HERPUD1: variants seen among roughly 807,000 people sequenced by gnomAD.
HERPUD1 encodes homocysteine inducible ER protein with ubiquitin like domain 1.
A neutral mutation model predicts 45.0 loss-of-function variants in HERPUD1; 17 were observed. That is an observed-to-expected ratio of 0.38 (90% CI 0.26 to 0.57). HERPUD1 has a LOEUF of 0.57. Ranked by LOEUF, HERPUD1 falls within the 20% of genes least tolerant of loss-of-function variation. HERPUD1 has a pLI of 0.72. For missense variants in HERPUD1, 420 were observed against 490.5 expected (o/e 0.86, Z 1.36); for synonymous variants, 164 against 177.5 (o/e 0.92, Z 0.61).
chr16:56,935,766 C>A, intron 3 of HERPUD1: 1 of 375,764 alleles, frequency 2.7e-6, no homozygotes, highest in South Asian at 3.8e-5. Flanking sequence ...TGAACTAACA[C>A]TAATCGGGTT....
chr16:56,943,015 T>A, intron 7 of HERPUD1, 111 bp from the exon 8 acceptor site: 2 of 1,112,640 alleles, frequency 1.8e-6, no homozygotes, highest in Non-Finnish European at 2.6e-6. Context: ...GCTGTGCCTA[T>A]GGGGCAGGGG....
rs191280193 is a variant in HERPUD1 at position 56,935,232 on chromosome 16, C to T, written c.148-3C>T. 20 of 1,609,754 alleles carry T rather than the reference C, an allele frequency of 1.2e-5. No individual in the cohort carries two copies. The East Asian group carries it at 3.6e-4, about 29-fold the overall frequency. On this transcript the variant is annotated splice_polypyrimidine_tract_variant and splice_region_variant and intron_variant, in intron 1 of 7. Coordinates refer to ENST00000439977, the MANE Select transcript of HERPUD1 (RefSeq NM_014685.4). The stretch of plus-strand genomic sequence containing the variant: ...CTGTGTTACTCTTTCTTTCCATGAT[C>T]AGCGTCCAGAGGACCAGAGGTTAAT...
At chr16:56,934,039 T>C (rs2055846536) in intron 1 of HERPUD1, among the ~76,000 whole-genome samples, 1 of 152,254 alleles carries the variant, frequency 6.6e-6, no homozygotes, top group Admixed American at 6.5e-5. Context: ...TGTATATGGA[T>C]AAGTAGATGC....
chr16:56,938,553 A>C (rs2055884327), intron 4 of HERPUD1, among the ~76,000 whole-genome samples: 2 of 115,138 alleles, frequency 1.7e-5, no homozygotes, highest in Non-Finnish European at 1.7e-5. Context: ...ACAGAGCGAG[A>C]CTCCATCTCA....
intron 6 of HERPUD1, chr16:56,941,930 A>T (rs1338801080): frequency 3.8e-6 from 2 of 531,620 alleles, no homozygotes; most frequent in African/African-American, 3.8e-5. Context: ...TGCAATGATG[A>T]ATAAAACACA....
At chr16:56,939,473 T>C in intron 5 of HERPUD1, 114 bp downstream of exon 5, 1 of 1,309,672 alleles carries the variant, frequency 7.6e-7, no homozygotes, top group Non-Finnish European at 1.1e-6. Context: ...TTCATCAGTC[T>C]GCAGAGCCCT....
intron 1 of HERPUD1, among the ~76,000 whole-genome samples, chr16:56,933,738 G>A (rs2055844397): frequency 6.6e-6 from 1 of 152,120 alleles, no homozygotes. Flanking sequence ...ATAGTTGTTT[G>A]CTTTACTTAA....
chr16:56,934,815 G>A (rs1820788), intron 1 of HERPUD1: 48,056 of 167,378 alleles, frequency 0.29, 7,029 homozygotes, highest in Middle Eastern at 0.38. Flanking sequence ...TGGTTCAAGC[G>A]ATTCCCCTGC....
Position 56,943,548 on chromosome 16 carries a change from A to T in HERPUD1, c.*258A>T. ...CTCTATGTAGTTTAATAAGCACTGT[A>T]CGTAGAAGGCCTTAGGTGTTGCATG... On this transcript the variant is annotated 3_prime_UTR_variant, in exon 8 of 8. Transcript: ENST00000439977. 1 of 525,312 alleles carries T rather than the reference A, an allele frequency of 1.9e-6. No individual in the cohort carries two copies. The highest frequency in any genetic ancestry group is 3.5e-6 in the Non-Finnish European group (1 of 288,960). 32.5% of individuals were successfully genotyped at this position (525,312 alleles called of 1,614,324 possible). A position where few individuals can be genotyped will look rare whatever the true frequency, so the allele number is the denominator to read the frequency against.
chr16:56,939,872 T>C, intron 5 of HERPUD1, 23 bp from the exon 6 acceptor site: 2 of 1,586,108 alleles, frequency 1.3e-6, no homozygotes, highest in Non-Finnish European at 1.7e-6. Flanking sequence ...CAACAGTATC[T>C]GCCTCTGTCG....
intron 1 of HERPUD1, among the ~76,000 whole-genome samples, chr16:56,932,707 A>G (rs1393354223): frequency 6.6e-6 from 1 of 152,206 alleles, no homozygotes; most frequent in Non-Finnish European, 1.5e-5. Context: ...GAAGTAAGAA[A>G]ACATCCGTGC....
chr16:56,943,088 C>G (rs1403851503), intron 7 of HERPUD1, 38 bp from the exon 8 acceptor site: 1 of 1,601,902 alleles, frequency 6.2e-7, no homozygotes, highest in Non-Finnish European at 8.5e-7. Context: ...TAATTGTTTT[C>G]TCATTGTTTC....
chr16:56,932,302 C>T lies in HERPUD1; in HGVS notation c.58C>T (p.Arg20Cys), dbSNP rs764402082. The change falls in exon 1 of 8, where the codon CGC (arginine) becomes TGC (cysteine). Residue 20 changes from arginine to cysteine, a missense_variant. By Grantham distance (180) the Arg-to-Cys change is radical. Transcript: ENST00000439977. ...GCTCCTGGTGAAGAGCCCCAACCAGCGCCACCGCGACTTGGAGCTGAGTGG... is the reference window on the plus strand; with the variant it reads ...GCTCCTGGTGAAGAGCCCCAACCAGTGCCACCGCGACTTGGAGCTGAGTGG... Reference protein sequence around the residue: ...VTLLVKSPNQRHRDLELSGDR... With the variant: ...VTLLVKSPNQCHRDLELSGDR... 22 of 1,608,586 alleles carry T rather than the reference C, an allele frequency of 1.4e-5. No individual in the cohort carries two copies. The East Asian group carries it at 3.8e-4, about 28-fold the overall frequency.
At chr16:56,935,165 GT>G (rs2055856312) in intron 1 of HERPUD1, 69 bp from the exon 2 acceptor site, 1 of 1,053,866 alleles carries the variant, frequency 9.5e-7, no homozygotes, top group Non-Finnish European at 1.5e-6. Flanking sequence ...GTATAAAACA[GT>G]TTATTCTGTG....
chr16:56,943,061 G>A, intron 7 of HERPUD1, 65 bp from the exon 8 acceptor site: 7 of 1,502,464 alleles, frequency 4.7e-6, no homozygotes, highest in Non-Finnish European at 6.5e-6. Flanking sequence ...AACATTATTT[G>A]GTGTTCATCA....
In HERPUD1 at chr16:56,932,264, C is replaced by T. The variant is rs1193673215; in HGVS notation, c.20C>T (p.Pro7Leu). Residue 7 changes from proline to leucine, a missense_variant, in exon 1 of 8, where the codon CCC becomes CTC. Pro to Leu is a moderately conservative substitution (Grantham distance 98). Coordinates refer to ENST00000439977, the MANE Select transcript of HERPUD1 (RefSeq NM_014685.4). Reference sequence around the variant, plus strand: ...GCCGCCATGGAGTCCGAGACCGAACCCGAGCCCGTCACGCTCCTGGTGAAG... The same window carrying T: ...GCCGCCATGGAGTCCGAGACCGAACTCGAGCCCGTCACGCTCCTGGTGAAG... MESETEPEPVTLLVKSP... is the reference protein window; with the variant it reads MESETELEPVTLLVKSP... The T allele has an allele frequency of 2.5e-6, 4 of 1,608,780 alleles. No individual in the cohort carries two copies. The highest frequency in any genetic ancestry group is 3.4e-6 in the Non-Finnish European group (4 of 1,179,450).
intron 6 of HERPUD1, chr16:56,940,862 G>T (rs2055904454): frequency 6.6e-6 from 1 of 152,148 alleles, no homozygotes; most frequent in Non-Finnish European, 1.5e-5. Flanking sequence ...GGTGGCTAAG[G>T]CAGGAGAATT....
rs1340448198 is a variant in HERPUD1, at chr16:56,944,239, G to A, written c.*949G>A. ...GTTTTAATTTACTAAGAATATACCT[G>A]TGTTTCCCCCCATTTCCTGATTTAA... On this transcript the variant is annotated 3_prime_UTR_variant, in exon 8 of 8. Transcript: ENST00000439977. 1 of 152,132 alleles carries A rather than the reference G, an allele frequency of 6.6e-6. No homozygotes were observed. The highest frequency in any genetic ancestry group is 1.5e-5 in the Non-Finnish European group (1 of 68,030). The allele number at this position is 152,132 out of a possible 1,614,324, so 9.4% of individuals were successfully genotyped here.
rs759433854 is a variant in HERPUD1 at position 56,932,196 on chromosome 16, T to C, written c.-49T>C. 2 of 1,591,860 alleles carry C rather than the reference T, an allele frequency of 1.3e-6. No homozygotes were observed. The highest frequency in any genetic ancestry group is 1.7e-6 in the Non-Finnish European group (2 of 1,174,804). On this transcript the variant is annotated 5_prime_UTR_variant, in exon 1 of 8. Coordinates refer to ENST00000439977, the MANE Select transcript of HERPUD1 (RefSeq NM_014685.4). ...GATTGCGGGCGGCTGAGACGCCGCC[T>C]GCCTGGCACCTAGGAGCGCAGCGGA...
Sources: gnomAD v4.1 joint callset for allele counts (sites outside exome capture counted in the v4.1 genomes callset) on GRCh38, gnomAD v4.1.1 for gene constraint, MANE v1.5 for transcripts, NCBI Gene and HGNC (gene_info 2026-07-23, HGNC 2026-07-21) for gene names.